The following THSD7A variants were observed in gnomAD, a reference collection of about 807,000 sequenced individuals.
THSD7A encodes the protein thrombospondin type-1 domain-containing protein 7A.
Under a neutral mutation model 231.3 loss-of-function variants are expected in THSD7A, and 96 were observed. That is an observed-to-expected ratio of 0.41 (90% CI 0.35 to 0.49). THSD7A has a LOEUF of 0.49. Ranked by LOEUF, THSD7A falls within the 20% of genes least tolerant of loss-of-function variation. THSD7A has a pLI of 0.05. For synonymous variants in THSD7A, 940 were observed against 743.3 expected (o/e 1.26, Z -4.30); for missense variants, 2,290 against 2,070.2 (o/e 1.11, Z -2.06).
intron 1 of THSD7A, among the ~76,000 whole-genome samples, chr7:11,795,131 G>T (rs1471306969): frequency 6.6e-6 from 1 of 151,594 alleles, no homozygotes; most frequent in Non-Finnish European, 1.5e-5. Context: ...GTCTTTAACC[G>T]AGTTTTATAA....
At chr7:11,395,522 C>CT (rs1209808529) in intron 23 of THSD7A, among the ~76,000 whole-genome samples, 3,568 of 140,342 alleles carry the variant, frequency 0.025, 78 homozygotes, top group African/African-American at 0.056. Context: ...AATATGCATT[C>CT]TTTTTTTTTT....
chr7:11,545,445 C>T (rs951492687), intron 4 of THSD7A, among the ~76,000 whole-genome samples: 1 of 152,150 alleles, frequency 6.6e-6, no homozygotes, highest in Non-Finnish European at 1.5e-5. Context: ...AGATGGCTGA[C>T]AGGAAGAGCT....
intron 7 of THSD7A, among the ~76,000 whole-genome samples, chr7:11,475,756 T>C (rs1218894559): frequency 1.3e-5 from 2 of 150,854 alleles, no homozygotes; most frequent in East Asian, 3.9e-4. Context: ...AAAATATTCT[T>C]CTCAATGTTT....
intron 1 of THSD7A, among the ~76,000 whole-genome samples, chr7:11,682,078 A>C (rs1783891181): frequency 6.6e-6 from 1 of 152,068 alleles, no homozygotes; most frequent in African/African-American, 2.4e-5. Context: ...TTACCATCAG[A>C]CCAACCCTAT....
At chr7:11,510,421 T>G (rs1787756101) in intron 6 of THSD7A, among the ~76,000 whole-genome samples, 1 of 152,208 alleles carries the variant, frequency 6.6e-6, no homozygotes, top group Non-Finnish European at 1.5e-5. Context: ...CTAACTCATT[T>G]TATGAGACCA....
At chr7:11,754,340 G>T (rs900478753) in intron 1 of THSD7A, among the ~76,000 whole-genome samples, 1 of 152,014 alleles carries the variant, frequency 6.6e-6, no homozygotes, top group African/African-American at 2.4e-5. Context: ...GGGTTTAACA[G>T]CCTGCACCAC....
chr7:11,688,911 G>A (rs1181392638), intron 1 of THSD7A, among the ~76,000 whole-genome samples: 1 of 151,618 alleles, frequency 6.6e-6, no homozygotes, highest in Non-Finnish European at 1.5e-5. Flanking sequence ...CTATAAAGAA[G>A]TATATAATAA....
intron 9 of THSD7A, among the ~76,000 whole-genome samples, chr7:11,467,731 G>GT (rs1205036191): frequency 1.4e-5 from 2 of 147,120 alleles, no homozygotes; most frequent in Non-Finnish European, 3.1e-5. Context: ...TTCAAGTATG[G>GT]TTTTTTACTC....
intron 1 of THSD7A, among the ~76,000 whole-genome samples, chr7:11,813,644 C>G (rs1315421756): frequency 6.6e-6 from 1 of 151,636 alleles, no homozygotes; most frequent in Non-Finnish European, 1.5e-5. Flanking sequence ...ACCCAGGAGG[C>G]AGAGGTTGCA....
intron 1 of THSD7A, among the ~76,000 whole-genome samples, chr7:11,741,784 C>T (rs1782123919): frequency 6.6e-6 from 1 of 151,866 alleles, no homozygotes; most frequent in African/African-American, 2.4e-5. Flanking sequence ...CCCATATTAT[C>T]CACAAACTAT....
rs920985271 is a variant in THSD7A, at chr7:11,832,192, G to T, written c.-246C>A. The T allele has an allele frequency of 3.5e-6, 1 of 288,850 alleles. No homozygotes were observed. Among genetic ancestry groups the T allele is most frequent in the East Asian group, 6.0e-5 (1 of 16,694 alleles). The allele number at this position is 288,850 out of a possible 1,614,324, so 17.9% of individuals were successfully genotyped here. On this transcript the variant is annotated 5_prime_UTR_variant, in exon 1 of 28. Coordinates refer to ENST00000423059, the MANE Select transcript of THSD7A (RefSeq NM_015204.3). ...GATGCTGCTGCCGCTGCCATTCCTC[G>T]CAGAATGGCAGGTCCCGGCGGCTCC...
At chr7:11,719,187 C>T (rs1781256023) in intron 1 of THSD7A, among the ~76,000 whole-genome samples, 1 of 151,514 alleles carries the variant, frequency 6.6e-6, no homozygotes, top group South Asian at 2.1e-4. Flanking sequence ...TTCTCTACTT[C>T]TTTATTCTCT....
At chr7:11,647,822 G>A (rs1419425380) in intron 1 of THSD7A, among the ~76,000 whole-genome samples, 1 of 152,052 alleles carries the variant, frequency 6.6e-6, no homozygotes, top group African/African-American at 2.4e-5. Context: ...AGCAATTGTA[G>A]TAGTTTGACC....
intron 1 of THSD7A, among the ~76,000 whole-genome samples, chr7:11,708,131 G>A (rs891804974): frequency 6.6e-6 from 1 of 150,662 alleles, no homozygotes; most frequent in African/African-American, 2.4e-5. Context: ...TTAAAGCCTA[G>A]AGTTAAAGCT....
intron 1 of THSD7A, among the ~76,000 whole-genome samples, chr7:11,683,027 A>G (rs1335213595): frequency 6.6e-6 from 1 of 151,720 alleles, no homozygotes; most frequent in Non-Finnish European, 1.5e-5. Context: ...AGGCTGAGGC[A>G]GGAGAATCAC....
At chr7:11,670,293 A>C (rs1400331428) in intron 1 of THSD7A, among the ~76,000 whole-genome samples, 2 of 152,192 alleles carry the variant, frequency 1.3e-5, no homozygotes, top group Non-Finnish European at 2.9e-5. Flanking sequence ...TCTGTGGTGT[A>C]GTCAATGGAG....
chr7:11,663,945 T>C (rs1319544225), intron 1 of THSD7A, among the ~76,000 whole-genome samples: 2 of 151,648 alleles, frequency 1.3e-5, no homozygotes, highest in Non-Finnish European at 3.0e-5. Flanking sequence ...TTGATATTTT[T>C]CCCTTAATTT....
chr7:11,378,079 C>G (rs189145336), intron 26 of THSD7A: 1 of 151,992 alleles, frequency 6.6e-6, no homozygotes, highest in African/African-American at 2.4e-5. Flanking sequence ...AGCAAATCAC[C>G]CAAACACTTA....
intron 13 of THSD7A, among the ~76,000 whole-genome samples, chr7:11,441,419 TA>T (rs1784799812): frequency 6.6e-6 from 1 of 152,034 alleles, no homozygotes; most frequent in South Asian, 2.1e-4. Flanking sequence ...TAAGCTGGGC[TA>T]CCTCTAAGAT....
Sources: allele counts gnomAD v4.1 joint callset (sites outside exome capture counted in the v4.1 genomes callset), GRCh38; gene constraint gnomAD v4.1.1; transcripts MANE v1.5; gene names NCBI Gene and HGNC (gene_info 2026-07-23, HGNC 2026-07-21).